SLIT3: variants seen among roughly 807,000 people sequenced by gnomAD.
The protein encoded by SLIT3 is slit homolog 3 protein.
SLIT3 carries 68 observed loss-of-function variants against 184.0 expected under a neutral mutation model. The ratio of observed to expected loss-of-function variants is 0.37; its 90% CI spans 0.30 to 0.45. SLIT3 has a LOEUF of 0.45. Ranked by LOEUF, SLIT3 falls within the 20% of genes least tolerant of loss-of-function variation. SLIT3 has a pLI of 1.00. For synonymous variants in SLIT3, 831 were observed against 828.6 expected (o/e 1.00, Z -0.05); for missense variants, 1,707 against 2,026.0 (o/e 0.84, Z 3.02).
intron 3 of SLIT3, among the ~76,000 whole-genome samples, chr5:169,205,226 C>T (rs1764030414): frequency 6.6e-6 from 1 of 152,172 alleles, no homozygotes; most frequent in Non-Finnish European, 1.5e-5. Flanking sequence ...CTTAGGAAGG[C>T]TGTGCTATAT....
At chr5:169,133,156 A>C (rs1235633300) in intron 4 of SLIT3, among the ~76,000 whole-genome samples, 5 of 151,816 alleles carry the variant, frequency 3.3e-5, no homozygotes, top group African/African-American at 1.2e-4. Context: ...CCAAGTCGAG[A>C]TATTATATTT....
At chr5:169,135,129 G>T (rs1310149263) in intron 4 of SLIT3, among the ~76,000 whole-genome samples, 1 of 152,232 alleles carries the variant, frequency 6.6e-6, no homozygotes, top group African/African-American at 2.4e-5. Context: ...TTTTGGAGAC[G>T]GAGTCTCACT....
At chr5:169,194,233 C>CAAAAA (rs10571842) in intron 3 of SLIT3, among the ~76,000 whole-genome samples, 92 of 61,386 alleles carry the variant, frequency 1.5e-3, no homozygotes, top group Non-Finnish European at 1.9e-3. Flanking sequence ...GACTCTGTCT[C>CAAAAA]AAAAAAAAAA....
intron 5 of SLIT3, among the ~76,000 whole-genome samples, chr5:168,880,048 C>T (rs1310066987): frequency 6.6e-6 from 1 of 152,218 alleles, no homozygotes; most frequent in African/African-American, 2.4e-5. Context: ...TCTAGCAACT[C>T]ACTGACTGCG....
At chr5:168,998,794 A>G (rs1755600857) in intron 4 of SLIT3, among the ~76,000 whole-genome samples, 1 of 152,320 alleles carries the variant, frequency 6.6e-6, no homozygotes, top group Non-Finnish European at 1.5e-5. Flanking sequence ...TCCCCAGACC[A>G]GCAGCATCAC....
At chr5:168,838,048 G>A (rs1266943029) in intron 6 of SLIT3, among the ~76,000 whole-genome samples, 1 of 152,234 alleles carries the variant, frequency 6.6e-6, no homozygotes, top group Admixed American at 6.5e-5. Flanking sequence ...CTAAGGGTCA[G>A]TGTTTCAATA....
At chr5:168,681,316 C>T (rs999340747) in intron 32 of SLIT3, among the ~76,000 whole-genome samples, 2 of 152,200 alleles carry the variant, frequency 1.3e-5, no homozygotes, top group Admixed American at 1.3e-4. Context: ...GCCCCTGCAC[C>T]TAGCCCAGGG....
rs1437977501 is a variant in SLIT3 at position 169,018,202 on chromosome 5, C to T, written c.414-134866G>A. On this transcript the variant is annotated intron_variant, in intron 4 of 35. Transcript: ENST00000519560. ...TGGGACGGGGATGCCCCCAAACCCA[C>T]ATTTTTTGCAAGCTCCTGGGGTGAT... Among the ~76,000 whole-genome samples the T allele has an allele frequency of 2.6e-5, 4 of 152,218 alleles. No individual in the cohort carries two copies. The South Asian group carries it at 8.3e-4, about 31-fold the overall frequency.
intron 4 of SLIT3, among the ~76,000 whole-genome samples, chr5:169,153,327 T>C (rs1225169045): frequency 1.4e-5 from 2 of 140,464 alleles, no homozygotes; most frequent in African/African-American, 5.3e-5. Context: ...TGAACAACCC[T>C]TGAAATTCAC....
chr5:169,171,266 A>T (rs1762808673), intron 4 of SLIT3, among the ~76,000 whole-genome samples: 1 of 152,214 alleles, frequency 6.6e-6, no homozygotes, highest in African/African-American at 2.4e-5. Flanking sequence ...TGATGTTTGC[A>T]ATGACTTTCC....
intron 4 of SLIT3, among the ~76,000 whole-genome samples, chr5:169,006,424 C>T (rs1755929527): frequency 1.3e-5 from 2 of 152,258 alleles, no homozygotes; most frequent in South Asian, 4.2e-4. Context: ...CATGAGGAAT[C>T]TACCCCTCCC....
At chr5:169,277,602 T>C (rs754867167) in intron 1 of SLIT3, among the ~76,000 whole-genome samples, 11 of 152,346 alleles carry the variant, frequency 7.2e-5, no homozygotes, top group Non-Finnish European at 1.2e-4. Context: ...CTTTTTAAGG[T>C]TGAATAATAT....
At chr5:168,951,198 C>A (rs62377204) in intron 4 of SLIT3, among the ~76,000 whole-genome samples, 3,112 of 152,180 alleles carry the variant, frequency 0.02, 49 homozygotes, top group Non-Finnish European at 0.032. Flanking sequence ...CCAGCCTGGG[C>A]GACAGAGCAA....
intron 4 of SLIT3, among the ~76,000 whole-genome samples, chr5:168,942,457 A>T (rs979179946): frequency 6.6e-6 from 1 of 152,246 alleles, no homozygotes; most frequent in Non-Finnish European, 1.5e-5. Context: ...TCTATAAGCT[A>T]GATATTCTTT....
intron 4 of SLIT3, among the ~76,000 whole-genome samples, chr5:168,942,118 G>C (rs796825790): frequency 2.6e-5 from 4 of 152,288 alleles, no homozygotes; most frequent in African/African-American, 9.6e-5. Context: ...CAGAAGCAGT[G>C]ACTTGTTCAG....
At chr5:169,291,105 G>A (rs1020086758) in intron 1 of SLIT3, among the ~76,000 whole-genome samples, 3 of 152,114 alleles carry the variant, frequency 2.0e-5, no homozygotes, top group Admixed American at 6.5e-5. Context: ...GCCCACACAA[G>A]CAGTGATATG....
chr5:169,047,405 C>A (rs1561630012), intron 4 of SLIT3, among the ~76,000 whole-genome samples: 1 of 152,172 alleles, frequency 6.6e-6, no homozygotes, highest in Non-Finnish European at 1.5e-5. Context: ...ATCTCTGCTA[C>A]CCGCTGTCCT....
chr5:168,798,239 T>TTTTTTTTTTTTA (rs71310053), intron 9 of SLIT3, among the ~76,000 whole-genome samples: 1 of 148,062 alleles, frequency 6.8e-6, no homozygotes, highest in Admixed American at 6.6e-5. Flanking sequence ...TTTTTTTTTT[T>TTTTTTTTTTTTA]AAGAGACAGA....
intron 4 of SLIT3, among the ~76,000 whole-genome samples, chr5:168,944,703 A>G (rs548939102): frequency 6.6e-6 from 1 of 152,184 alleles, no homozygotes; most frequent in South Asian, 2.1e-4. Context: ...AGAAAATTCA[A>G]CTGTATAACA....
Sources: allele counts gnomAD v4.1 joint callset (sites outside exome capture counted in the v4.1 genomes callset), GRCh38; gene constraint gnomAD v4.1.1; transcripts MANE v1.5; gene names NCBI Gene and HGNC (gene_info 2026-07-23, HGNC 2026-07-21).